Variants in POP1 observed in about 807,000 individuals in gnomAD.
POP1 encodes POP1 ribonuclease P/MRP subunit.
A neutral mutation model predicts 102.2 loss-of-function variants in POP1; 75 were observed. The ratio of observed to expected loss-of-function variants is 0.73; its 90% CI spans 0.61 to 0.89. The LOEUF (loss-of-function observed/expected upper bound fraction) is 0.89, where lower values mean the gene tolerates loss of function less well. Among genes scored for constraint, POP1 ranks in the 40% least tolerant of loss-of-function variants. The pLI is 0.00. For missense variants in POP1, 1,116 were observed against 1,267.4 expected (o/e 0.88, Z 1.81); for synonymous variants, 436 against 464.1 (o/e 0.94, Z 0.78).
At position 98,146,646 on chromosome 8, in the gene POP1, T is replaced by C. The variant is rs192665998; in HGVS notation, c.1673T>C (p.Ile558Thr). 127 of 1,613,574 alleles carry C rather than the reference T, an allele frequency of 7.9e-5. No homozygotes were observed. The East Asian group carries it at 2.5e-3, about 31-fold the overall frequency. ...CATAGCTTTATCTGGAACCAAGATA[T>C]CTGTAAGAGTGTCACAGAGAATAAA... ...CTHSFIWNQD[I>T]CKSVTENKIS... The change falls in exon 12 of 16, where the codon ATC becomes ACC. Residue 558 changes from isoleucine (I) to threonine (T), a missense_variant. By Grantham distance (89) the Ile-to-Thr change is moderately conservative (BLOSUM62 -1). Transcript: ENST00000401707.
chr8:98,156,876 C>CGGGT (rs1809664505), intron 15 of POP1, among the ~76,000 whole-genome samples: 2 of 151,880 alleles, frequency 1.3e-5, no homozygotes, highest in Middle Eastern at 3.2e-3. Context: ...CATCAGTGAC[C>CGGGT]CTGCATTCTG....
chr8:98,156,213 T>A lies in POP1; in HGVS notation c.2221T>A (p.Ser741Thr). 1.2e-6 allele frequency: 2 copies of A among 1,614,068 alleles called. No individual in the cohort carries two copies. The highest frequency in any genetic ancestry group is 1.7e-6 in the Non-Finnish European group (2 of 1,180,014). The change falls in exon 15 of 16, where the codon TCT becomes ACT. Residue 741 changes from serine to threonine, a missense_variant. Coordinates refer to ENST00000401707, the MANE Select transcript of POP1 (RefSeq NM_001145860.2). Reference protein sequence around the residue: ...PNGKESDLRRSEVPCAPMPKK... With the variant: ...PNGKESDLRRTEVPCAPMPKK... ...TGGTAAGGAGAGTGACCTAAGAAGATCTGAGGTGCCTTGTGCTCCCATGCC... is the reference window on the plus strand; with the variant it reads ...TGGTAAGGAGAGTGACCTAAGAAGAACTGAGGTGCCTTGTGCTCCCATGCC...
chr8:98,139,102 C>G (rs1322117488), intron 9 of POP1, among the ~76,000 whole-genome samples: 1 of 152,112 alleles, frequency 6.6e-6, no homozygotes, highest in Admixed American at 6.6e-5. Flanking sequence ...CCGCCTGCCT[C>G]GGCCTACCAA....
At position 98,140,879 on chromosome 8, in the gene POP1, A is replaced by T; in HGVS notation, c.1585A>T (p.Lys529Ter). 1 of 1,614,016 alleles carries T rather than the reference A, an allele frequency of 6.2e-7. No homozygotes were observed. Among genetic ancestry groups the T allele is most frequent in the Non-Finnish European group, 8.5e-7 (1 of 1,179,898 alleles). The change falls in exon 11 of 16, where the codon AAA (lysine) becomes TAA (stop). Residue 529 changes from lysine to a stop codon, truncating the protein, a stop_gained. Transcript: ENST00000401707. LOFTEE classifies it high-confidence loss of function. The stretch of plus-strand genomic sequence containing the variant: ...GTCCAAAGCTTTGCCCAATCCAGAA[A>T]AATGCCAAGGTAAAGTTCCAAAAAC... The part of the protein sequence containing the change: ...KKSKALPNPE[K>*]CQDNEKVRQL...
chr8:98,153,201 C>T (rs149152740), intron 14 of POP1, among the ~76,000 whole-genome samples: 1 of 152,192 alleles, frequency 6.6e-6, no homozygotes, highest in Non-Finnish European at 1.5e-5. Context: ...AACTCCTGGC[C>T]TCAAGCAGTC....
chr8:98,154,793 T>A (rs527335761), intron 14 of POP1, among the ~76,000 whole-genome samples: 4 of 152,296 alleles, frequency 2.6e-5, no homozygotes, highest in African/African-American at 9.6e-5. Context: ...GGCATATTCA[T>A]TCAGTAGAGT....
intron 9 of POP1, among the ~76,000 whole-genome samples, chr8:98,138,942 T>G (rs1024534491): frequency 6.9e-6 from 1 of 145,244 alleles, no homozygotes; most frequent in African/African-American, 2.6e-5. Flanking sequence ...AACCTCCACC[T>G]CTCAGGTTCA....
Position 98,127,602 on chromosome 8 carries a change from T to A in POP1, c.150T>A (p.His50Gln). ...TTTTTGAAAATATACTAGAGCCTCA[T>A]CCTGGAACTTCACGACAGCGGCAAA... ...KPFQAQKQEP[H>Q]PGTSRQRQTR... The change falls in exon 3 of 16, where the codon CAT becomes CAA. Residue 50 changes from histidine to glutamine, a missense_variant. By Grantham distance (24) the His-to-Gln change is conservative (BLOSUM62 0). Coordinates refer to ENST00000401707, the MANE Select transcript of POP1 (RefSeq NM_001145860.2). 6.2e-7 allele frequency: 1 copy of A among 1,614,110 alleles called. No individual in the cohort carries two copies. The highest frequency in any genetic ancestry group is 8.5e-7 in the Non-Finnish European group (1 of 1,180,016).
At chr8:98,135,780 C>T (rs759369791) in intron 7 of POP1, among the ~76,000 whole-genome samples, 30 of 152,084 alleles carry the variant, frequency 2.0e-4, no homozygotes, top group Non-Finnish European at 2.9e-4. Context: ...CCCACTGCAG[C>T]CTCTACTTCC....
At chr8:98,132,480 C>T (rs1253871939) in intron 5 of POP1, among the ~76,000 whole-genome samples, 23 of 152,148 alleles carry the variant, frequency 1.5e-4, no homozygotes, top group Admixed American at 1.5e-3. Context: ...GATTGACATG[C>T]GTTGTCAGAA....
intron 1 of POP1, 119 bp from the exon 2 acceptor site, chr8:98,123,217 A>T: frequency 8.5e-7 from 1 of 1,174,540 alleles, no homozygotes; most frequent in Non-Finnish European, 1.2e-6. Context: ...ATATACTAAT[A>T]GGGTCTCTTC....
At chr8:98,141,720 ATTT>A (rs933222679) in intron 11 of POP1, among the ~76,000 whole-genome samples, 3 of 133,126 alleles carry the variant, frequency 2.3e-5, no homozygotes, top group Non-Finnish European at 3.3e-5. Context: ...CGCCTGGCTA[ATTT>A]TTTTTTTTTT....
At chr8:98,140,034 T>G in intron 9 of POP1, 44 bp from the exon 10 acceptor site, 2 of 1,427,586 alleles carry the variant, frequency 1.4e-6, no homozygotes, top group Non-Finnish European at 2.0e-6. Flanking sequence ...ATTATGAAGG[T>G]GGATTCATTG....
intron 2 of POP1, among the ~76,000 whole-genome samples, chr8:98,126,344 C>T (rs1816205097): frequency 6.6e-6 from 1 of 152,008 alleles, no homozygotes; most frequent in Non-Finnish European, 1.5e-5. Context: ...AAATCCAAAA[C>T]TTTTTGAGCG....
rs754816140 is a variant in POP1, at chr8:98,140,856, C to T, written c.1562C>T (p.Ser521Phe). 1.5e-5 allele frequency: 24 copies of T among 1,613,914 alleles called. No individual in the cohort carries two copies. The highest frequency in any genetic ancestry group is 1.7e-5 in the Non-Finnish European group (20 of 1,179,932). Reference protein sequence around the residue: ...DPRINLPQKKSKALPNPEKCQ... With the variant: ...DPRINLPQKKFKALPNPEKCQ... ...CGAATAAATTTGCCCCAAAAGAAGT[C>T]CAAAGCTTTGCCCAATCCAGAAAAA... is the stretch of plus-strand genomic sequence containing the variant. Residue 521 changes from serine (S) to phenylalanine (F), a missense_variant, in exon 11 of 16, where the codon TCC (serine) becomes TTC (phenylalanine). Ser to Phe is a radical substitution (Grantham distance 155). Transcript: ENST00000401707.
chr8:98,145,952 A>G (rs1816833145), intron 11 of POP1, among the ~76,000 whole-genome samples: 1 of 152,172 alleles, frequency 6.6e-6, no homozygotes, highest in East Asian at 1.9e-4. Context: ...AAACGAATAA[A>G]TAGTTCAATA....
At chr8:98,129,919 G>A (rs532944631) in intron 4 of POP1, 59 bp from the exon 5 acceptor site, 59 of 1,582,390 alleles carry the variant, frequency 3.7e-5, no homozygotes, top group South Asian at 2.2e-4. Context: ...ATTCCTGACC[G>A]TTAACTCTGT....
chr8:98,141,966 T>A (rs150965266), intron 11 of POP1, among the ~76,000 whole-genome samples: 8 of 151,740 alleles, frequency 5.3e-5, no homozygotes, highest in Admixed American at 5.3e-4. Context: ...GAGAGAGGAG[T>A]TTGAAGATAT....
chr8:98,152,631 A>C (rs996923740), intron 14 of POP1, among the ~76,000 whole-genome samples: 1 of 152,232 alleles, frequency 6.6e-6, no homozygotes, highest in East Asian at 1.9e-4. Context: ...AAAACGTAGA[A>C]ACCATTCTTA....
Sources: allele counts gnomAD v4.1 joint callset (sites outside exome capture counted in the v4.1 genomes callset), GRCh38; gene constraint gnomAD v4.1.1; transcripts MANE v1.5; gene names NCBI Gene and HGNC (gene_info 2026-07-23, HGNC 2026-07-21).